The following SLCO1A2 variants were observed in gnomAD, a reference collection of about 807,000 sequenced individuals.
The protein encoded by SLCO1A2 is OATP-1.
In SLCO1A2, 67 loss-of-function variants were observed where a neutral mutation model predicts 69.0. The ratio of observed to expected loss-of-function variants is 0.97; its 90% CI spans 0.80 to 1.19. The LOEUF is 1.19. Among genes scored for constraint, SLCO1A2 ranks in the 50% most tolerant of loss-of-function variants. The pLI is 0.00. For missense variants in SLCO1A2, 787 were observed against 793.7 expected (o/e 0.99, Z 0.10); for synonymous variants, 260 against 265.9 (o/e 0.98, Z 0.22).
chr12:21,303,725 A>G (rs1272246806), intron 6 of SLCO1A2, among the ~76,000 whole-genome samples: 1 of 152,242 alleles, frequency 6.6e-6, no homozygotes, highest in African/African-American at 2.4e-5. Flanking sequence ...GGTGACCTAC[A>G]TGGATTTTAA....
intron 2 of SLCO1A2, among the ~76,000 whole-genome samples, chr12:21,333,802 A>G (rs955639937): frequency 3.3e-5 from 5 of 152,126 alleles, no homozygotes; most frequent in Non-Finnish European, 5.9e-5. Context: ...CTGAAGCACA[A>G]AAAGTTTTTC....
chr12:21,300,642 A>G, intron 7 of SLCO1A2, 73 bp from the exon 8 acceptor site: 1 of 1,213,702 alleles, frequency 8.2e-7, no homozygotes, highest in Admixed American at 3.1e-5. Context: ...AATTATTAAA[A>G]TTAGAATTAT....
chr12:21,312,527 T>C (rs1950349140), intron 4 of SLCO1A2, among the ~76,000 whole-genome samples: 1 of 152,210 alleles, frequency 6.6e-6, no homozygotes, highest in South Asian at 2.1e-4. Context: ...GGCTTAGCTT[T>C]GGGCCTATTC....
chr12:21,352,140 G>T (rs1209044907), intron 2 of SLCO1A2, among the ~76,000 whole-genome samples: 1 of 152,090 alleles, frequency 6.6e-6, no homozygotes, highest in South Asian at 2.1e-4. Context: ...CACTCAAAAG[G>T]TCTACTATTT....
chr12:21,407,840 C>T (rs1438722165), intron 1 of SLCO1A2, among the ~76,000 whole-genome samples: 1 of 149,770 alleles, frequency 6.7e-6, no homozygotes, highest in Non-Finnish European at 1.5e-5. Context: ...AAAAAAAAGC[C>T]TTTGGCTGCT....
chr12:21,385,275 T>G (rs1213894506), intron 1 of SLCO1A2, among the ~76,000 whole-genome samples: 1 of 152,218 alleles, frequency 6.6e-6, no homozygotes, highest in Non-Finnish European at 1.5e-5. Flanking sequence ...ATTGACTCCA[T>G]GCCTCCACTT....
At chr12:21,296,385 T>C (rs1947712385) in intron 9 of SLCO1A2, among the ~76,000 whole-genome samples, 1 of 152,000 alleles carries the variant, frequency 6.6e-6, no homozygotes, top group Non-Finnish European at 1.5e-5. Flanking sequence ...GGACTACAGG[T>C]GCACAACACC....
chr12:21,415,808 T>C (rs1039794765), intron 1 of SLCO1A2, among the ~76,000 whole-genome samples: 3 of 152,124 alleles, frequency 2.0e-5, no homozygotes, highest in African/African-American at 7.2e-5. Flanking sequence ...ATACAAAGAC[T>C]TGTAAAATAT....
intron 2 of SLCO1A2, among the ~76,000 whole-genome samples, chr12:21,370,479 CT>C (rs1465346705): frequency 1.7e-5 from 2 of 115,272 alleles, no homozygotes; most frequent in African/African-American, 3.3e-5. Flanking sequence ...TCCCTCCCCC[CT>C]CCCCCGACCC....
At position 21,312,046 on chromosome 12, in the gene SLCO1A2, GAA is replaced by G. The variant is rs1192259287; in HGVS notation, c.335+2501_335+2502del. ...AGGAGGAGAAGAAGAAGAGGAAGAA[GAA>G]GAGGAGGAGAAGAAGAAGAGGAAGA... On this transcript the variant is annotated intron_variant, in intron 4 of 14. Coordinates refer to ENST00000683939, the MANE Select transcript of SLCO1A2 (RefSeq NM_001386879.1). Among the ~76,000 whole-genome samples the G allele has an allele frequency of 2.6e-3, 386 of 149,946 alleles. 4 individuals are homozygous for G. The highest frequency in any genetic ancestry group is 9.2e-3 in the African/African-American group (368 of 40,012).
intron 14 of SLCO1A2, among the ~76,000 whole-genome samples, chr12:21,272,215 T>C (rs1001779111): frequency 6.6e-5 from 10 of 151,864 alleles, no homozygotes; most frequent in Admixed American, 6.6e-4. Context: ...CATGTATTCA[T>C]GTAGAAATAG....
chr12:21,325,986 A>T (rs11045976), intron 2 of SLCO1A2, among the ~76,000 whole-genome samples: 45,508 of 151,990 alleles, frequency 0.3, 6,942 homozygotes, highest in East Asian at 0.35. Flanking sequence ...CCAAAATCTC[A>T]TCTTGAATAG....
intron 1 of SLCO1A2, among the ~76,000 whole-genome samples, chr12:21,382,804 A>AG (rs1940670428): frequency 6.6e-6 from 1 of 151,804 alleles, no homozygotes; most frequent in African/African-American, 2.4e-5. Context: ...AAAAAAAAAA[A>AG]AAAAAGAAAG....
chr12:21,370,649 CCTTAACAT>C (rs890402006), intron 2 of SLCO1A2, among the ~76,000 whole-genome samples: 1 of 151,446 alleles, frequency 6.6e-6, no homozygotes, highest in Non-Finnish European at 1.5e-5. Context: ...TGTTTGGCAC[CCTTAACAT>C]CTTAGAGAAA....
intron 2 of SLCO1A2, among the ~76,000 whole-genome samples, chr12:21,365,785 G>A (rs1165213250): frequency 1.3e-5 from 2 of 152,128 alleles, no homozygotes; most frequent in African/African-American, 4.8e-5. Flanking sequence ...GCAGCCAACA[G>A]ACACATGAAA....
chr12:21,294,222 G>A (rs1407468891), intron 10 of SLCO1A2, 112 bp from the exon 11 acceptor site: 2 of 871,660 alleles, frequency 2.3e-6, no homozygotes, highest in South Asian at 2.0e-5. Context: ...AATAGAAAGA[G>A]AAATTTTCCA....
intron 3 of SLCO1A2, among the ~76,000 whole-genome samples, chr12:21,318,545 T>C (rs1951184850): frequency 6.6e-6 from 1 of 152,146 alleles, no homozygotes; most frequent in Non-Finnish European, 1.5e-5. Flanking sequence ...TAAGAAACTA[T>C]TAGAATAAAA....
chr12:21,375,519 T>C (rs1054704062), intron 1 of SLCO1A2, among the ~76,000 whole-genome samples: 1 of 152,216 alleles, frequency 6.6e-6, no homozygotes, highest in African/African-American at 2.4e-5. Context: ...TGTAAATGTA[T>C]GAAATAGGAT....
chr12:21,297,335 G>A (rs951734508), intron 9 of SLCO1A2, 69 bp downstream of exon 9: 32 of 1,191,950 alleles, frequency 2.7e-5, no homozygotes, highest in South Asian at 4.5e-5. Context: ...TTAGGAGTTT[G>A]CTACACCCGC....
Sources: allele counts gnomAD v4.1 joint callset (sites outside exome capture counted in the v4.1 genomes callset), GRCh38; gene constraint gnomAD v4.1.1; transcripts MANE v1.5; gene names NCBI Gene and HGNC (gene_info 2026-07-23, HGNC 2026-07-21).